Variants in NRXN1 observed in about 807,000 individuals in gnomAD.
NRXN1 encodes the protein neurexin-1.
In NRXN1, 39 loss-of-function variants were observed where a neutral mutation model predicts 150.9. The observed-to-expected ratio is 0.26, with a 90% CI of 0.20 to 0.34. NRXN1 has a LOEUF of 0.34. NRXN1 is among the 10% of genes least tolerant of loss of function. NRXN1 has a pLI of 1.00. For missense variants in NRXN1, 1,815 were observed against 1,949.9 expected (o/e 0.93, Z 1.30); for synonymous variants, 924 against 757.0 (o/e 1.22, Z -3.62).
At chr2:50,817,353 T>G (rs1669081608) in intron 5 of NRXN1, among the ~76,000 whole-genome samples, 1 of 151,900 alleles carries the variant, frequency 6.6e-6, no homozygotes, top group Non-Finnish European at 1.5e-5. Context: ...GGAGATTAAA[T>G]CAGTAATTAA....
rs200407353 is a variant in NRXN1 at position 50,347,315 on chromosome 2, G to C, written c.3365-110345C>G. 7.9e-6 allele frequency: 10 copies of C among 1,259,204 alleles called. No individual in the cohort carries two copies. In the African/African-American group the frequency reaches 1.4e-4, roughly 18 times the overall value. 78.0% of individuals were successfully genotyped at this position (1,259,204 alleles called of 1,614,324 possible). ...GCGAGAGTGCGTGCCGGCGGGTGGGGGGCCGAGAAATTGTTTAAAGCTCCT... is the reference window on the plus strand; with the variant it reads ...GCGAGAGTGCGTGCCGGCGGGTGGGCGGCCGAGAAATTGTTTAAAGCTCCT... On this transcript the variant is annotated intron_variant, in intron 17 of 22. Coordinates refer to ENST00000401669, the MANE Select transcript of NRXN1 (RefSeq NM_001330078.2). The surrounding 1 kb of genome is among the most constrained non-coding windows in gnomAD (Gnocchi z 4.9).
At chr2:49,930,462 A>G (rs1669938677) in intron 22 of NRXN1, among the ~76,000 whole-genome samples, 1 of 152,238 alleles carries the variant, frequency 6.6e-6, no homozygotes, top group Non-Finnish European at 1.5e-5. Flanking sequence ...AGTGGAGAAG[A>G]GATCTCAATG....
chr2:50,565,238 A>C (rs1669666808), intron 8 of NRXN1, among the ~76,000 whole-genome samples: 1 of 152,116 alleles, frequency 6.6e-6, no homozygotes, highest in African/African-American at 2.4e-5. Context: ...GACAGTATGC[A>C]TACATTTTTG....
At chr2:50,765,351 G>T (rs922107073) in intron 5 of NRXN1, among the ~76,000 whole-genome samples, 2 of 152,016 alleles carry the variant, frequency 1.3e-5, no homozygotes, top group Non-Finnish European at 2.9e-5. Context: ...AGGGGAAACA[G>T]GAGCTCCTCT....
At chr2:50,480,680 G>C (rs1226314976) in intron 15 of NRXN1, among the ~76,000 whole-genome samples, 2 of 152,168 alleles carry the variant, frequency 1.3e-5, no homozygotes, top group Non-Finnish European at 2.9e-5. Flanking sequence ...CCTAAGGTTA[G>C]AGTCCTTCTA....
chr2:50,470,888 A>C (rs970689008), intron 16 of NRXN1, among the ~76,000 whole-genome samples: 1 of 151,832 alleles, frequency 6.6e-6, no homozygotes, highest in African/African-American at 2.4e-5. Flanking sequence ...GAGAGCACAA[A>C]AGAAAAGAAG....
intron 22 of NRXN1, among the ~76,000 whole-genome samples, chr2:49,928,613 C>T (rs538164670): frequency 6.6e-6 from 1 of 151,944 alleles, no homozygotes; most frequent in Admixed American, 6.5e-5. Flanking sequence ...ACACTTTTTT[C>T]CCCCATTTGA....
intron 2 of NRXN1, chr2:50,964,017 G>A (rs2104718234): frequency 2.3e-6 from 1 of 429,470 alleles, no homozygotes; most frequent in Non-Finnish European, 4.7e-6. Flanking sequence ...ATGCTAATCA[G>A]CATTTAATTT....
rs192252790 is a variant in NRXN1 at position 50,019,790 on chromosome 2, T to C, written c.4128+33481A>G. Reference sequence around the variant, plus strand: ...TGAAACCCCGTCTCTACTAAAAAAATACAAAAAATTAGCTGGGCATGGTGG... The same window carrying C: ...TGAAACCCCGTCTCTACTAAAAAAACACAAAAAATTAGCTGGGCATGGTGG... On this transcript the variant is annotated intron_variant, in intron 21 of 22. Transcript: ENST00000401669. 2.1e-5 allele frequency among the ~76,000 whole-genome samples: 3 copies of C among 144,596 alleles called. No homozygotes were observed. In the East Asian group the frequency reaches 6.2e-4, roughly 30 times the overall value. 94.9% of individuals were successfully genotyped at this position (144,596 alleles called of 152,430 possible). A position where few individuals can be genotyped will look rare whatever the true frequency, so the allele number is the denominator to read the frequency against.
intron 17 of NRXN1, among the ~76,000 whole-genome samples, chr2:50,243,675 T>C (rs2066240742): frequency 6.6e-6 from 1 of 151,832 alleles, no homozygotes. Context: ...ATACCTCCAG[T>C]ATCCAGGAGG....
At chr2:49,953,575 T>A (rs1249133563) in intron 21 of NRXN1, among the ~76,000 whole-genome samples, 1 of 152,128 alleles carries the variant, frequency 6.6e-6, no homozygotes, top group Non-Finnish European at 1.5e-5. Flanking sequence ...TACTCCAGAA[T>A]TCAAGTCTCA....
intron 21 of NRXN1, among the ~76,000 whole-genome samples, chr2:49,962,721 G>A (rs1180577561): frequency 3.9e-5 from 6 of 152,166 alleles, no homozygotes; most frequent in East Asian, 1.9e-4. Context: ...CATAGAGGCC[G>A]GACACGGTGG....
chr2:50,940,476 A>G (rs1390690662), intron 2 of NRXN1, among the ~76,000 whole-genome samples: 2 of 150,360 alleles, frequency 1.3e-5, no homozygotes, highest in Non-Finnish European at 3.0e-5. Flanking sequence ...TCCATCTCAA[A>G]AAAAAAAAAA....
At chr2:50,640,639 T>C (rs1314136120) in intron 5 of NRXN1, among the ~76,000 whole-genome samples, 1 of 152,126 alleles carries the variant, frequency 6.6e-6, no homozygotes, top group Admixed American at 6.6e-5. Flanking sequence ...GAAGAATAAA[T>C]AACTATGCCA....
chr2:50,478,357 G>A (rs2090162048), intron 15 of NRXN1, among the ~76,000 whole-genome samples: 1 of 152,068 alleles, frequency 6.6e-6, no homozygotes, highest in Non-Finnish European at 1.5e-5. Context: ...AAACCACACA[G>A]AAATGAACAA....
intron 18 of NRXN1, among the ~76,000 whole-genome samples, chr2:50,218,242 C>G (rs2063538487): frequency 6.6e-6 from 1 of 152,020 alleles, no homozygotes; most frequent in Non-Finnish European, 1.5e-5. Flanking sequence ...ATTTCTATCC[C>G]AAGAAGCTAA....
chr2:50,209,466 C>G (rs79898307), intron 18 of NRXN1, among the ~76,000 whole-genome samples: 1 of 151,978 alleles, frequency 6.6e-6, no homozygotes, highest in African/African-American at 2.4e-5. Flanking sequence ...ATTTTACAAA[C>G]GAGAAGACTG....
chr2:50,327,674 G>C (rs559548409), intron 17 of NRXN1, among the ~76,000 whole-genome samples: 20 of 147,060 alleles, frequency 1.4e-4, no homozygotes, highest in Non-Finnish European at 2.8e-4. Flanking sequence ...TGTTTTGACA[G>C]AGTCTCGCTC....
At chr2:50,231,949 C>T (rs1002633139) in intron 18 of NRXN1, among the ~76,000 whole-genome samples, 6 of 152,058 alleles carry the variant, frequency 3.9e-5, no homozygotes, top group African/African-American at 1.4e-4. Context: ...CTCAACACAT[C>T]GTAACTTAAA....
Sources: allele counts gnomAD v4.1 joint callset (sites outside exome capture counted in the v4.1 genomes callset), GRCh38; gene constraint gnomAD v4.1.1; non-coding constraint Gnocchi (gnomAD v3.1); transcripts MANE v1.5; gene names NCBI Gene and HGNC (gene_info 2026-07-23, HGNC 2026-07-21).